Variants in DAB1 observed in about 807,000 individuals in gnomAD.
DAB1 encodes DAB adaptor protein 1.
DAB1 carries 15 observed loss-of-function variants against 64.6 expected under a neutral mutation model. That is an observed-to-expected ratio of 0.23 (90% CI 0.16 to 0.36). The LOEUF (loss-of-function observed/expected upper bound fraction) is 0.36, where lower values mean the gene tolerates loss of function less well. Among genes scored for constraint, DAB1 ranks in the 10% least tolerant of loss-of-function variants. The probability of loss-of-function intolerance (pLI) is 1.00; values close to 1 mark genes in which losing one functional copy is unlikely to be tolerated. For missense variants in DAB1, 596 were observed against 706.7 expected (o/e 0.84, Z 1.78); for synonymous variants, 235 against 251.9 (o/e 0.93, Z 0.64).
chr1:58,510,892 A>G (rs1025220088), intron 2 of DAB1, among the ~76,000 whole-genome samples: 3 of 152,152 alleles, frequency 2.0e-5, no homozygotes, highest in Admixed American at 2.0e-4. Flanking sequence ...AAAAGAATAA[A>G]ATACTTATTA....
intron 4 of DAB1, among the ~76,000 whole-genome samples, chr1:58,291,334 C>A (rs1436837961): frequency 6.6e-6 from 1 of 152,168 alleles, no homozygotes; most frequent in Non-Finnish European, 1.5e-5. Context: ...GCCTTCTCTT[C>A]TCTTTCTCTT....
At chr1:57,390,772 A>G (rs1454425986) in intron 1 of DAB1, among the ~76,000 whole-genome samples, 1 of 152,072 alleles carries the variant, frequency 6.6e-6, no homozygotes, top group African/African-American at 2.4e-5. Flanking sequence ...CCCAATTTTT[A>G]TTTTACTTTT....
intron 1 of DAB1, among the ~76,000 whole-genome samples, chr1:57,385,510 G>C (rs975997878): frequency 3.9e-5 from 6 of 152,132 alleles, no homozygotes; most frequent in Non-Finnish European, 7.3e-5. Flanking sequence ...TGCTAGCCTT[G>C]GTTGGTGATA....
intron 9 of DAB1, among the ~76,000 whole-genome samples, chr1:57,062,091 C>T (rs910948612): frequency 2.0e-5 from 3 of 152,108 alleles, no homozygotes; most frequent in Admixed American, 6.5e-5. Flanking sequence ...AGTTGTAGGT[C>T]CTAAATATGA....
intron 4 of DAB1, chr1:58,150,665 C>G (rs1654871821): frequency 6.7e-6 from 1 of 149,648 alleles, no homozygotes; most frequent in African/African-American, 2.4e-5. Flanking sequence ...GTAGGTTCCA[C>G]TAAGTTTTAA....
intron 4 of DAB1, among the ~76,000 whole-genome samples, chr1:58,283,948 G>T (rs761353091): frequency 2.0e-4 from 31 of 152,320 alleles, no homozygotes; most frequent in Non-Finnish European, 1.0e-4. Context: ...ATACATGTTT[G>T]CTGTGAAAGG....
chr1:58,496,806 T>C (rs909921839), intron 3 of DAB1, among the ~76,000 whole-genome samples: 1 of 152,226 alleles, frequency 6.6e-6, no homozygotes, highest in Non-Finnish European at 1.5e-5. Flanking sequence ...TTAGGGTTAA[T>C]TTGGCTGGTC....
chr1:57,046,836 T>C (rs1441216945), intron 9 of DAB1, among the ~76,000 whole-genome samples: 3 of 152,212 alleles, frequency 2.0e-5, no homozygotes, highest in African/African-American at 7.2e-5. Context: ...GGTAGCATTA[T>C]GGACAAAGAG....
chr1:58,047,329 T>C lies in DAB1; in HGVS notation n.387+103182A>G, dbSNP rs1023720293. On this transcript the variant is annotated intron_variant and non_coding_transcript_variant, in intron 5 of 20. Coordinates refer to the DAB1 transcript ENST00000485760. ...ATCTTTCAACATATCCAAACTGTTA[T>C]CATTTCAACAAGTGGCACTAGCCAC... Among the ~76,000 whole-genome samples, 3 of 152,246 alleles carry C rather than the reference T, an allele frequency of 2.0e-5. No individual in the cohort carries two copies. The East Asian group carries it at 5.8e-4, about 29-fold the overall frequency.
At chr1:58,030,280 A>G (rs1028035594) in intron 5 of DAB1, among the ~76,000 whole-genome samples, 6 of 152,196 alleles carry the variant, frequency 3.9e-5, no homozygotes, top group East Asian at 1.9e-4. Context: ...AAACAAAAAT[A>G]CTGAAAAGAA....
At chr1:57,017,446 A>T (rs1045223177) in intron 11 of DAB1, among the ~76,000 whole-genome samples, 12 of 152,146 alleles carry the variant, frequency 7.9e-5, no homozygotes, top group Admixed American at 1.3e-4. Context: ...GAGAGATCCA[A>T]TGCAGGGTGC....
chr1:57,372,528 A>G lies in DAB1; in HGVS notation c.-137+51402T>C, dbSNP rs558582116. ...TATGATTGAGGCCCAACTCATATTT[A>G]TAATATAATCACCTAATAAAAACGG... On this transcript the variant is annotated intron_variant, in intron 1 of 14. Coordinates refer to ENST00000371236, the MANE Select transcript of DAB1 (RefSeq NM_001365792.1). Among the ~76,000 whole-genome samples, 10 of 152,340 alleles carry G rather than the reference A, an allele frequency of 6.6e-5. No individual in the cohort carries two copies. In the Middle Eastern group the frequency reaches 0.01, roughly 155 times the overall value.
intron 6 of DAB1, among the ~76,000 whole-genome samples, chr1:57,782,803 A>G (rs994919394): frequency 6.6e-6 from 1 of 152,134 alleles, no homozygotes; most frequent in Non-Finnish European, 1.5e-5. Flanking sequence ...GACGGTGATA[A>G]TTGGGTGCAT....
intron 6 of DAB1, among the ~76,000 whole-genome samples, chr1:57,777,674 T>C (rs1295389050): frequency 6.8e-6 from 1 of 146,718 alleles, no homozygotes; most frequent in Admixed American, 6.7e-5. Context: ...TTCAGTTTCC[T>C]TTAAGTCTAT....
chr1:57,457,310 G>C (rs1686633913), intron 7 of DAB1, among the ~76,000 whole-genome samples: 1 of 152,124 alleles, frequency 6.6e-6, no homozygotes, highest in Non-Finnish European at 1.5e-5. Flanking sequence ...AGAGAAATCT[G>C]ACCAGCATGG....
intron 3 of DAB1, among the ~76,000 whole-genome samples, chr1:58,448,005 G>A (rs924098563): frequency 6.6e-6 from 1 of 151,858 alleles, no homozygotes; most frequent in Non-Finnish European, 1.5e-5. Context: ...TGTCCTTTTG[G>A]TCTGCCACAT....
At chr1:58,278,179 T>C (rs1408843913) in intron 4 of DAB1, among the ~76,000 whole-genome samples, 3 of 152,198 alleles carry the variant, frequency 2.0e-5, no homozygotes, top group Non-Finnish European at 2.9e-5. Flanking sequence ...GTTTCCCCCA[T>C]GCTGTTCTCA....
intron 7 of DAB1, among the ~76,000 whole-genome samples, chr1:57,604,286 A>G (rs1481003537): frequency 3.3e-5 from 5 of 152,204 alleles, no homozygotes; most frequent in Admixed American, 2.6e-4. Context: ...GAAACCGAAA[A>G]TAAGTTATCT....
At chr1:58,038,691 C>A (rs958344428) in intron 5 of DAB1, among the ~76,000 whole-genome samples, 9 of 152,204 alleles carry the variant, frequency 5.9e-5, no homozygotes, top group African/African-American at 1.9e-4. Context: ...CCCTTCCATT[C>A]TGGGAGAGCA....
Sources: gnomAD v4.1 joint callset for allele counts (sites outside exome capture counted in the v4.1 genomes callset) on GRCh38, gnomAD v4.1.1 for gene constraint, MANE v1.5 for transcripts, NCBI Gene and HGNC (gene_info 2026-07-23, HGNC 2026-07-21) for gene names.